SLC35F4: variants seen among roughly 807,000 people sequenced by gnomAD.
SLC35F4 encodes chromosome 14 open reading frame 36.
SLC35F4 carries 24 observed loss-of-function variants against 44.2 expected under a neutral mutation model. That is an observed-to-expected ratio of 0.54 (90% CI 0.39 to 0.76). The LOEUF (loss-of-function observed/expected upper bound fraction) is 0.76, where lower values mean the gene tolerates loss of function less well. Ranked by LOEUF, SLC35F4 falls within the 30% of genes least tolerant of loss-of-function variation. The pLI, the probability that SLC35F4 is intolerant of heterozygous loss-of-function variation, is 0.00. For missense variants in SLC35F4, 562 were observed against 586.1 expected, an observed-to-expected ratio of 0.96 and a Z score of 0.42; for synonymous variants, 238 against 223.6, an observed-to-expected ratio of 1.06 and a Z score of -0.57.
intron 1 of SLC35F4, among the ~76,000 whole-genome samples, chr14:57,791,929 A>T (rs2077929574): frequency 6.6e-6 from 1 of 151,808 alleles, no homozygotes; most frequent in African/African-American, 2.4e-5. Flanking sequence ...ACGTATGGGT[A>T]CAGGGAGGGG....
intron 1 of SLC35F4, chr14:57,604,366 G>T (rs1008829458): frequency 6.6e-6 from 1 of 152,114 alleles, no homozygotes; most frequent in Admixed American, 6.5e-5. Flanking sequence ...ATAAGAAAAT[G>T]CTATGCTGTA....
chr14:57,674,009 TA>T (rs2074605524), intron 1 of SLC35F4, among the ~76,000 whole-genome samples: 1 of 152,068 alleles, frequency 6.6e-6, no homozygotes, highest in Non-Finnish European at 1.5e-5. Context: ...ATCATACAAA[TA>T]TATTCAGTGT....
At chr14:57,617,719 G>A (rs1277423854) in intron 1 of SLC35F4, among the ~76,000 whole-genome samples, 1 of 152,142 alleles carries the variant, frequency 6.6e-6, no homozygotes, top group African/African-American at 2.4e-5. Flanking sequence ...TATGAGTCAT[G>A]GCAGAGGCAT....
chr14:57,797,356 A>C (rs2078077472), intron 1 of SLC35F4, among the ~76,000 whole-genome samples: 1 of 152,170 alleles, frequency 6.6e-6, no homozygotes, highest in African/African-American at 2.4e-5. Context: ...CCTCCTGGGA[A>C]GTAGCATTGG....
At chr14:57,711,773 G>A (rs1200774933) in intron 1 of SLC35F4, among the ~76,000 whole-genome samples, 2 of 152,156 alleles carry the variant, frequency 1.3e-5, no homozygotes, top group African/African-American at 4.8e-5. Flanking sequence ...CCGAAGCGCA[G>A]AAAATTAAGC....
intron 1 of SLC35F4, among the ~76,000 whole-genome samples, chr14:57,707,583 TG>T (rs2075708791): frequency 1.3e-5 from 2 of 152,138 alleles, no homozygotes; most frequent in Admixed American, 6.6e-5. Context: ...TACCCAGTCT[TG>T]GGTATTTCTT....
intron 1 of SLC35F4, among the ~76,000 whole-genome samples, chr14:57,927,392 C>T (rs1889599026): frequency 6.6e-6 from 1 of 151,876 alleles, no homozygotes; most frequent in African/African-American, 2.4e-5. Context: ...ATAGTCGCCA[C>T]TCTAGAATTT....
intron 1 of SLC35F4, among the ~76,000 whole-genome samples, chr14:57,600,721 C>CAAAAAAAAAAA (rs1566668126): frequency 7.7e-6 from 1 of 129,784 alleles, no homozygotes; most frequent in African/African-American, 2.8e-5. Flanking sequence ...AAAAAAAAAC[C>CAAAAAAAAAAA]AAAAAGATAA....
chr14:57,859,247 CTA>C (rs1399458898), intron 1 of SLC35F4, among the ~76,000 whole-genome samples: 1 of 152,132 alleles, frequency 6.6e-6, no homozygotes, highest in South Asian at 2.1e-4. Context: ...ATATGGAAGA[CTA>C]TATGCATCCA....
chr14:57,866,043 G>T lies in SLC35F4; in HGVS notation c.-218C>A. On this transcript the variant is annotated 5_prime_UTR_variant, in exon 1 of 8. Coordinates refer to ENST00000556826, the MANE Select transcript of SLC35F4 (RefSeq NM_001306087.2). ...GGCCCCCACTCGGGCCGGCCTCTCC[G>T]TCAGCCTGGCAGCTCTCCCGCGCGC... 1 of 308,012 alleles carries T rather than the reference G, an allele frequency of 3.2e-6. No individual in the cohort carries two copies. Among genetic ancestry groups the T allele is most frequent in the Non-Finnish European group, 5.8e-6 (1 of 173,048 alleles). 19.1% of individuals were successfully genotyped at this position (308,012 alleles called of 1,614,324 possible).
At chr14:57,714,321 C>G (rs2075884137) in intron 1 of SLC35F4, among the ~76,000 whole-genome samples, 1 of 151,976 alleles carries the variant, frequency 6.6e-6, no homozygotes. Flanking sequence ...ATAAAAATCC[C>G]AGGGCCTGAG....
In SLC35F4 at chr14:57,589,446, C is replaced by T; in HGVS notation, c.357G>A (p.Leu119=). ...SQENRIKARC[L]SCTSMVLKGI... is the part of the protein sequence containing the mutation. ...CCTTCAGAACCATGGACGTGCAGGACAGGCAGCGAGCCTTGATTCTGTTTT... is the reference window on the plus strand; with the variant it reads ...CCTTCAGAACCATGGACGTGCAGGATAGGCAGCGAGCCTTGATTCTGTTTT... The change falls in exon 3 of 8, where the codon CTG becomes CTA. Residue 119 remains leucine (L), a synonymous_variant. Coordinates refer to ENST00000556826, the MANE Select transcript of SLC35F4 (RefSeq NM_001306087.2). 1 of 1,613,890 alleles carries T rather than the reference C, an allele frequency of 6.2e-7. No homozygotes were observed. The highest frequency in any genetic ancestry group is 8.5e-7 in the Non-Finnish European group (1 of 1,179,874).
intron 1 of SLC35F4, among the ~76,000 whole-genome samples, chr14:57,683,381 T>G (rs1433711348): frequency 6.6e-6 from 1 of 152,220 alleles, no homozygotes; most frequent in Admixed American, 6.5e-5. Flanking sequence ...AGAAGACACT[T>G]TAAAAGCTGG....
intron 1 of SLC35F4, among the ~76,000 whole-genome samples, chr14:57,970,920 G>T (rs1278484815): frequency 1.3e-5 from 2 of 152,176 alleles, no homozygotes; most frequent in African/African-American, 4.8e-5. Context: ...CTCTGGATAT[G>T]TTAATAGCTT....
chr14:57,793,096 C>T lies in SLC35F4; in HGVS notation c.103+72627G>A, dbSNP rs7157174. 1.3e-3 allele frequency among the ~76,000 whole-genome samples: 203 copies of T among 152,062 alleles called. 1 individual carries two copies. The highest frequency in any genetic ancestry group is 4.7e-3 in the African/African-American group (196 of 41,502). On this transcript the variant is annotated intron_variant, in intron 1 of 7. Transcript: ENST00000556826. ...AACACAGAAGAAAATTCTCCAAAGG[C>T]CTAACCTCGTCTTATCACAAAACTT...
chr14:57,946,666 G>C (rs1326980891), intron 1 of SLC35F4, among the ~76,000 whole-genome samples: 2 of 151,610 alleles, frequency 1.3e-5, no homozygotes, highest in Non-Finnish European at 2.9e-5. Context: ...AGTAGAGATA[G>C]GGTTTCACCA....
At chr14:57,746,274 T>C (rs2076752193) in intron 1 of SLC35F4, among the ~76,000 whole-genome samples, 1 of 152,166 alleles carries the variant, frequency 6.6e-6, no homozygotes, top group African/African-American at 2.4e-5. Context: ...CCATTGTTTA[T>C]GATGTTAACT....
In SLC35F4 at chr14:57,768,364, C is replaced by T. The variant is rs79945666; in HGVS notation, c.103+97359G>A. Among the ~76,000 whole-genome samples, 1,215 of 152,316 alleles carry T rather than the reference C, an allele frequency of 8.0e-3. 18 individuals are homozygous for T. Among genetic ancestry groups the T allele is most frequent in the African/African-American group, 0.028 (1,147 of 41,572 alleles). Reference sequence around the variant, plus strand: ...TTTCTAAGAGAATGCAATGAGCATTCCCTTTTTAGTCAAAGAGGTAAGAAA... The same window carrying T: ...TTTCTAAGAGAATGCAATGAGCATTTCCTTTTTAGTCAAAGAGGTAAGAAA... On this transcript the variant is annotated intron_variant, in intron 1 of 7. Transcript: ENST00000556826.
chr14:57,831,247 G>A (rs114676911), intron 1 of SLC35F4, among the ~76,000 whole-genome samples: 178 of 152,232 alleles, frequency 1.2e-3, no homozygotes, highest in African/African-American at 4.0e-3. Flanking sequence ...CCTGCCATGT[G>A]AGAATATAGT....
Sources: allele counts gnomAD v4.1 joint callset (sites outside exome capture counted in the v4.1 genomes callset), GRCh38; gene constraint gnomAD v4.1.1; transcripts MANE v1.5; gene names NCBI Gene and HGNC (gene_info 2026-07-23, HGNC 2026-07-21).